The following ANKRD31 variants were observed in gnomAD, a reference collection of about 807,000 sequenced individuals.
ANKRD31 encodes the protein ankyrin repeat domain-containing protein 31.
ANKRD31 carries 147 observed loss-of-function variants against 186.0 expected under a neutral mutation model. The observed-to-expected ratio is 0.79, with a 90% CI of 0.69 to 0.91. ANKRD31 has a LOEUF of 0.91. ANKRD31 is among the 40% of genes least tolerant of loss of function. ANKRD31 has a pLI of 0.00. For missense variants in ANKRD31, 1,986 were observed against 2,148.8 expected, an observed-to-expected ratio of 0.92 and a Z score of 1.50; for synonymous variants, 673 against 736.4, an observed-to-expected ratio of 0.91 and a Z score of 1.39.
chr5:75,212,970 T>C (rs1756743306), intron 3 of ANKRD31, among the ~76,000 whole-genome samples: 1 of 152,140 alleles, frequency 6.6e-6, no homozygotes, highest in Non-Finnish European at 1.5e-5. Flanking sequence ...CTGGAGATGT[T>C]AATTCGTTAA....
Position 75,114,845 on chromosome 5 carries a change from C to T in ANKRD31, c.4155+1721G>A, listed in dbSNP as rs553875541. 5.9e-5 allele frequency among the ~76,000 whole-genome samples: 9 copies of T among 152,114 alleles called. No individual in the cohort carries two copies. In the South Asian group the frequency reaches 1.7e-3, roughly 28 times the overall value. On this transcript the variant is annotated intron_variant, in intron 19 of 25. Transcript: ENST00000506364. The stretch of plus-strand genomic sequence containing the variant: ...TGGCCATACTGCCCAAGGTAATTTA[C>T]AGATTCAATGCCATCCCCATCAAGC...
At chr5:75,071,981 C>T (rs1270340488) in intron 25 of ANKRD31, among the ~76,000 whole-genome samples, 1 of 152,148 alleles carries the variant, frequency 6.6e-6, no homozygotes, top group East Asian at 1.9e-4. Context: ...GTCTTTACTC[C>T]TTCATAGCCA....
Position 75,206,364 on chromosome 5 carries a change from T to C in ANKRD31, c.403+47A>G, listed in dbSNP as rs577226211. 1.7e-5 allele frequency: 20 copies of C among 1,160,630 alleles called. No individual in the cohort carries two copies. In the East Asian group the frequency reaches 2.4e-4, roughly 14 times the overall value. The allele number at this position is 1,160,630 out of a possible 1,614,324, so 71.9% of individuals were successfully genotyped here. A position where few individuals can be genotyped will look rare whatever the true frequency, so the allele number is the denominator to read the frequency against. ...TATATCTAACTAAGTCTTCTATTTT[T>C]AGGCAAAGACTAATTTCCTTTATAT... On this transcript the variant is annotated intron_variant, in intron 5 of 25. Coordinates refer to ENST00000506364, the MANE Select transcript of ANKRD31 (RefSeq NM_001372053.1).
intron 21 of ANKRD31, among the ~76,000 whole-genome samples, 190 bp downstream of exon 21, chr5:75,107,331 T>C (rs954989793): frequency 2.6e-5 from 4 of 151,996 alleles, no homozygotes; most frequent in Admixed American, 6.6e-5. Context: ...TCCCAAGTAA[T>C]AGTGTAGAAA....
intron 2 of ANKRD31, 36 bp downstream of exon 2, chr5:75,230,526 C>T: frequency 3.4e-6 from 5 of 1,480,396 alleles, no homozygotes; most frequent in Non-Finnish European, 3.6e-6. Flanking sequence ...AACTGGGAAA[C>T]TAAAGGGACT....
intron 4 of ANKRD31, among the ~76,000 whole-genome samples, chr5:75,208,557 T>G (rs1348408712): frequency 6.6e-6 from 1 of 152,116 alleles, no homozygotes; most frequent in East Asian, 1.9e-4. Flanking sequence ...AGGAATCTCA[T>G]TAAACAACCA....
At chr5:75,093,376 G>A (rs1372965149) in intron 22 of ANKRD31, among the ~76,000 whole-genome samples, 1 of 152,044 alleles carries the variant, frequency 6.6e-6, no homozygotes, top group Non-Finnish European at 1.5e-5. Flanking sequence ...CAGCTACTTG[G>A]GAGGCTGAGG....
chr5:75,195,547 C>T (rs1299774423), intron 7 of ANKRD31, 84 bp downstream of exon 7: 1 of 1,155,866 alleles, frequency 8.7e-7, no homozygotes, highest in African/African-American at 1.6e-5. Flanking sequence ...CTACTTGCTC[C>T]ACTGAAAGAT....
intron 17 of ANKRD31, among the ~76,000 whole-genome samples, chr5:75,121,530 A>C (rs1748794396): frequency 6.6e-6 from 1 of 152,168 alleles, no homozygotes; most frequent in Non-Finnish European, 1.5e-5. Context: ...CACATGAAAC[A>C]TTCTCCCAAA....
In ANKRD31 at chr5:75,130,134, G is replaced by C. The variant is rs183662464; in HGVS notation, c.3876+7722C>G. On this transcript the variant is annotated intron_variant, in intron 17 of 25. Coordinates refer to ENST00000506364, the MANE Select transcript of ANKRD31 (RefSeq NM_001372053.1). ...GGGTTCTTGGTCTCACTGACCTCAG[G>C]AGTGAAGCCGCAAACCTTTGCAGTG... Among the ~76,000 whole-genome samples, 77 of 152,304 alleles carry C rather than the reference G, an allele frequency of 5.1e-4. 1 individual carries two copies. In the East Asian group the frequency reaches 0.013, roughly 26 times the overall value.
At chr5:75,127,336 A>AT (rs1749337316) in intron 17 of ANKRD31, among the ~76,000 whole-genome samples, 1 of 152,152 alleles carries the variant, frequency 6.6e-6, no homozygotes, top group African/African-American at 2.4e-5. Flanking sequence ...GTCTAGAGAC[A>AT]TTTTTTGGTT....
At chr5:75,232,602 T>C (rs571906500) in intron 1 of ANKRD31, among the ~76,000 whole-genome samples, 2 of 151,714 alleles carry the variant, frequency 1.3e-5, no homozygotes, top group Non-Finnish European at 2.9e-5. Context: ...ACAAAAGGGG[T>C]ATGGAAGAAT....
chr5:75,216,964 C>T (rs1347501110), intron 3 of ANKRD31, among the ~76,000 whole-genome samples: 1 of 152,112 alleles, frequency 6.6e-6, no homozygotes, highest in Non-Finnish European at 1.5e-5. Context: ...TGATTTCTGC[C>T]TTAATTTCAT....
At chr5:75,193,625 C>A (rs1218211727) in intron 7 of ANKRD31, 34 bp from the exon 8 acceptor site, 2 of 1,489,514 alleles carry the variant, frequency 1.3e-6, no homozygotes, top group Admixed American at 2.4e-5. Context: ...CAAAAAATTA[C>A]AACACTGCAA....
At chr5:75,150,998 A>G (rs1396107090) in intron 12 of ANKRD31, among the ~76,000 whole-genome samples, 1 of 152,070 alleles carries the variant, frequency 6.6e-6, no homozygotes, top group South Asian at 2.1e-4. Context: ...CTAATGAACC[A>G]TTAATTAATT....
At chr5:75,118,947 T>A (rs1277709706) in intron 17 of ANKRD31, among the ~76,000 whole-genome samples, 1 of 152,158 alleles carries the variant, frequency 6.6e-6, no homozygotes, top group Non-Finnish European at 1.5e-5. Flanking sequence ...CATTATAAAT[T>A]GTGATTAGAC....
At chr5:75,159,171 A>G (rs1406990426) in intron 11 of ANKRD31, among the ~76,000 whole-genome samples, 1 of 152,148 alleles carries the variant, frequency 6.6e-6, no homozygotes, top group Admixed American at 6.5e-5. Context: ...ATTAACAAAG[A>G]TTACACAATC....
chr5:75,091,416 A>G lies in ANKRD31; in HGVS notation c.5332-15T>C. 2 of 1,516,580 alleles carry G rather than the reference A, an allele frequency of 1.3e-6. No individual in the cohort carries two copies. Among genetic ancestry groups the G allele is most frequent in the East Asian group, 2.5e-5 (1 of 40,756 alleles). 93.9% of individuals were successfully genotyped at this position (1,516,580 alleles called of 1,614,324 possible). On this transcript the variant is annotated splice_polypyrimidine_tract_variant and intron_variant, in intron 22 of 25. Transcript: ENST00000506364. ...TGGGTAGTCTCCTGAAGTGAAAAAT[A>G]AAACAGAAATTAAGGTCAAAAATAG... is the stretch of plus-strand genomic sequence containing the variant.
At chr5:75,085,162 T>C (rs1745384339) in intron 23 of ANKRD31, among the ~76,000 whole-genome samples, 2 of 152,154 alleles carry the variant, frequency 1.3e-5, no homozygotes, top group South Asian at 4.1e-4. Flanking sequence ...ATGATCCTCC[T>C]CTAGGTTCCC....
Sources: allele counts gnomAD v4.1 joint callset (sites outside exome capture counted in the v4.1 genomes callset), GRCh38; gene constraint gnomAD v4.1.1; transcripts MANE v1.5; gene names NCBI Gene and HGNC (gene_info 2026-07-23, HGNC 2026-07-21).